The following RUNX1 variants were observed in gnomAD, a reference collection of about 807,000 sequenced individuals.
RUNX1 encodes the protein RUNX family transcription factor 1.
In RUNX1, 19 loss-of-function variants were observed where a neutral mutation model predicts 42.8. The ratio of observed to expected loss-of-function variants is 0.44; its 90% CI spans 0.31 to 0.65. RUNX1 has a LOEUF of 0.65. RUNX1 is among the 30% of genes least tolerant of loss of function. The probability of loss-of-function intolerance (pLI) is 0.07; values close to 1 mark genes in which losing one functional copy is unlikely to be tolerated. For missense variants in RUNX1, 528 were observed against 672.0 expected, an observed-to-expected ratio of 0.79 and a Z score of 2.37; for synonymous variants, 271 against 289.4, an observed-to-expected ratio of 0.94 and a Z score of 0.64.
At chr21:34,818,582 G>A (rs1282711406) in intron 7 of RUNX1, among the ~76,000 whole-genome samples, 2 of 152,108 alleles carry the variant, frequency 1.3e-5, no homozygotes, top group Admixed American at 6.6e-5. Flanking sequence ...GACTTGATTC[G>A]GGGCCAACAC....
At chr21:35,032,514 A>T (rs552798778) in intron 2 of RUNX1, among the ~76,000 whole-genome samples, 1 of 152,350 alleles carries the variant, frequency 6.6e-6, no homozygotes, top group East Asian at 1.9e-4. Context: ...AGACTTTATG[A>T]TCAGTCCCGT....
chr21:34,811,854 C>T (rs773542670), intron 7 of RUNX1, among the ~76,000 whole-genome samples: 31 of 152,096 alleles, frequency 2.0e-4, no homozygotes, highest in Non-Finnish European at 1.8e-4. Flanking sequence ...GCAGACCCAC[C>T]CGCTCCAGCT....
intron 2 of RUNX1, among the ~76,000 whole-genome samples, chr21:34,961,007 G>A (rs887048516): frequency 3.3e-5 from 5 of 152,216 alleles, no homozygotes; most frequent in African/African-American, 1.2e-4. Flanking sequence ...ATAAGAAGCC[G>A]TAGGTAGTCT....
At chr21:34,795,759 T>C (rs1305589131) in intron 8 of RUNX1, among the ~76,000 whole-genome samples, 2 of 152,208 alleles carry the variant, frequency 1.3e-5, no homozygotes, top group Non-Finnish European at 2.9e-5. Flanking sequence ...TTGTTTTTGC[T>C]GACATGGAGA....
At chr21:35,008,192 C>A (rs369026972) in intron 2 of RUNX1, among the ~76,000 whole-genome samples, 7 of 152,210 alleles carry the variant, frequency 4.6e-5, no homozygotes, top group African/African-American at 1.4e-4. Flanking sequence ...GCCCCTCCCC[C>A]CAACAGAATT....
intron 4 of RUNX1, among the ~76,000 whole-genome samples, chr21:34,886,406 A>G (rs2057988180): frequency 6.6e-6 from 1 of 152,222 alleles, no homozygotes; most frequent in African/African-American, 2.4e-5. Flanking sequence ...TGAAGGCAGA[A>G]AAGTCTTACT....
rs1202046363 is a variant in RUNX1 at position 34,790,236 on chromosome 21, T to C, written c.*1899A>G. Reference sequence around the variant, plus strand: ...GTAAAACAAATAATCAATATATATATAAGAAAACTCAAAAACAAGTTGTTT... The same window carrying C: ...GTAAAACAAATAATCAATATATATACAAGAAAACTCAAAAACAAGTTGTTT... On this transcript the variant is annotated 3_prime_UTR_variant, in exon 9 of 9. Coordinates refer to ENST00000675419, the MANE Select transcript of RUNX1 (RefSeq NM_001754.5). 1 of 233,232 alleles carries C rather than the reference T, an allele frequency of 4.3e-6. No homozygotes were observed. Among genetic ancestry groups the C allele is most frequent in the Non-Finnish European group, 8.5e-6 (1 of 117,806 alleles). The allele number at this position is 233,232 out of a possible 1,614,324, so 14.4% of individuals were successfully genotyped here.
chr21:34,958,058 C>T (rs1327613707), intron 2 of RUNX1, among the ~76,000 whole-genome samples: 18 of 152,106 alleles, frequency 1.2e-4, no homozygotes. Context: ...GAAAGACAGA[C>T]AAATTTGGGG....
intron 2 of RUNX1, among the ~76,000 whole-genome samples, chr21:34,998,493 T>A (rs1173215452): frequency 6.6e-6 from 1 of 150,568 alleles, no homozygotes; most frequent in Non-Finnish European, 1.5e-5. Flanking sequence ...GCAGAGGGAG[T>A]CAGAGAGCCC....
intron 2 of RUNX1, among the ~76,000 whole-genome samples, chr21:34,945,361 C>A (rs1203778767): frequency 6.6e-6 from 1 of 152,188 alleles, no homozygotes; most frequent in Non-Finnish European, 1.5e-5. Context: ...ATGAGTGGAA[C>A]CCACCATCCT....
rs76148765 is a variant in RUNX1 at position 34,935,709 on chromosome 21, A to G, written c.59-42746T>C. On this transcript the variant is annotated intron_variant, in intron 2 of 8. Transcript: ENST00000675419. ...TGTAGGATGTTTTGGCTCATCCCTA[A>G]CCCCTACCTATTAGATGCCATTAGC... Among the ~76,000 whole-genome samples the G allele has an allele frequency of 7.9e-3, 1,202 of 151,974 alleles. 9 individuals are homozygous for G. Among genetic ancestry groups the G allele is most frequent in the African/African-American group, 0.02 (828 of 41,434 alleles).
intron 2 of RUNX1, among the ~76,000 whole-genome samples, chr21:34,979,200 C>T (rs778032456): frequency 2.7e-4 from 41 of 152,200 alleles, no homozygotes; most frequent in Non-Finnish European, 4.9e-4. Flanking sequence ...CCACAGCCCC[C>T]GGAATAAGAG....
At chr21:35,003,532 A>T (rs1004978073) in intron 2 of RUNX1, among the ~76,000 whole-genome samples, 58 of 105,128 alleles carry the variant, frequency 5.5e-4, no homozygotes, top group African/African-American at 2.6e-3. Context: ...TTTTTTTTTA[A>T]AAAAAAAGAT....
At chr21:34,806,168 G>T (rs1304328606) in intron 7 of RUNX1, among the ~76,000 whole-genome samples, 2 of 152,086 alleles carry the variant, frequency 1.3e-5, no homozygotes, top group Non-Finnish European at 2.9e-5. Flanking sequence ...TACTCTAAAT[G>T]CACCAATTTA....
At position 35,027,903 on chromosome 21, in the gene RUNX1, G is replaced by C. The variant is rs115220073; in HGVS notation, c.58+20939C>G. 3.5e-3 allele frequency among the ~76,000 whole-genome samples: 538 copies of C among 152,290 alleles called. 4 individuals carry two copies. The highest frequency in any genetic ancestry group is 0.012 in the African/African-American group (504 of 41,566). On this transcript the variant is annotated intron_variant, in intron 2 of 8. Transcript: ENST00000675419. Reference sequence around the variant, plus strand: ...CTAGATCCAATGTTATCTCAGACTGGCTTTAGGATCTTGTGGCCTACATTT... The same window carrying C: ...CTAGATCCAATGTTATCTCAGACTGCCTTTAGGATCTTGTGGCCTACATTT...
chr21:35,046,985 T>C (rs902553701), intron 2 of RUNX1, among the ~76,000 whole-genome samples: 3 of 152,054 alleles, frequency 2.0e-5, no homozygotes, highest in African/African-American at 7.2e-5. Context: ...CCTGGGCTTG[T>C]CCGGGAGATA....
chr21:34,856,395 A>G (rs771028275), intron 6 of RUNX1: 2 of 519,054 alleles, frequency 3.9e-6, no homozygotes, highest in Non-Finnish European at 7.7e-6. Flanking sequence ...AGCCAATCAT[A>G]TAAGCCAACT....
At chr21:34,834,907 C>T (rs957761574) in intron 6 of RUNX1, among the ~76,000 whole-genome samples, 1 of 152,072 alleles carries the variant, frequency 6.6e-6, no homozygotes, top group South Asian at 2.1e-4. Context: ...CAGAACTTGG[C>T]GGTGGTGGTG....
At chr21:34,918,468 T>G (rs1244970291) in intron 2 of RUNX1, among the ~76,000 whole-genome samples, 1 of 152,232 alleles carries the variant, frequency 6.6e-6, no homozygotes, top group South Asian at 2.1e-4. Flanking sequence ...GTTTAACAGA[T>G]TATTTTAGTT....
Sources: allele counts gnomAD v4.1 joint callset (sites outside exome capture counted in the v4.1 genomes callset), GRCh38; gene constraint gnomAD v4.1.1; transcripts MANE v1.5; gene names NCBI Gene and HGNC (gene_info 2026-07-23, HGNC 2026-07-21).